The following CFAP299 variants were observed in gnomAD, a reference collection of about 807,000 sequenced individuals.
CFAP299 encodes cilia and flagella associated protein 299, also known as cilia- and flagella-associated protein 299.
Under a neutral mutation model 27.0 loss-of-function variants are expected in CFAP299, and 21 were observed. That is an observed-to-expected ratio of 0.78 (90% CI 0.55 to 1.12). CFAP299 has a LOEUF of 1.12. CFAP299 is among the 50% of genes most tolerant of loss of function. The pLI is 0.00. For missense variants in CFAP299, 310 were observed against 276.6 expected (o/e 1.12, Z -0.86); for synonymous variants, 104 against 98.1 (o/e 1.06, Z -0.36).
At chr4:80,493,885 C>T (rs183821024) in intron 2 of CFAP299, among the ~76,000 whole-genome samples, 3,639 of 148,304 alleles carry the variant, frequency 0.025, 73 homozygotes, top group Non-Finnish European at 0.037. Flanking sequence ...ACGCCATTCT[C>T]CTGCCTCAGC....
At chr4:80,388,686 C>T (rs1483501818) in intron 2 of CFAP299, 1 of 910,398 alleles carries the variant, frequency 1.1e-6, no homozygotes, top group Non-Finnish European at 1.8e-6. Flanking sequence ...TTGTCCATTC[C>T]CTCCAGGGCC....
intron 2 of CFAP299, among the ~76,000 whole-genome samples, chr4:80,495,767 A>G (rs975972362): frequency 6.6e-5 from 10 of 152,364 alleles, no homozygotes; most frequent in African/African-American, 2.4e-4. Flanking sequence ...CTGTACAGGA[A>G]GCATGATACT....
chr4:80,417,508 C>T (rs1425738679), intron 2 of CFAP299, among the ~76,000 whole-genome samples: 1 of 152,052 alleles, frequency 6.6e-6, no homozygotes, highest in African/African-American at 2.4e-5. Flanking sequence ...GAGTCCTGAG[C>T]GTGGTATTGG....
chr4:80,503,139 T>C (rs1425850183), intron 2 of CFAP299, among the ~76,000 whole-genome samples: 1 of 152,138 alleles, frequency 6.6e-6, no homozygotes, highest in African/African-American at 2.4e-5. Context: ...TTGATTAAAA[T>C]CTTTCAGTGC....
chr4:80,459,040 G>A (rs1729310963), intron 2 of CFAP299, among the ~76,000 whole-genome samples: 2 of 152,014 alleles, frequency 1.3e-5, no homozygotes, highest in Admixed American at 1.3e-4. Flanking sequence ...GAGTGCAGTG[G>A]TGCACTCACA....
chr4:80,689,600 A>T (rs1458960100), intron 3 of CFAP299, among the ~76,000 whole-genome samples: 1 of 152,180 alleles, frequency 6.6e-6, no homozygotes, highest in Non-Finnish European at 1.5e-5. Flanking sequence ...GCCAAATTGT[A>T]AAGATCATTG....
intron 3 of CFAP299, among the ~76,000 whole-genome samples, chr4:80,796,252 C>G (rs547556354): frequency 6.6e-6 from 1 of 152,326 alleles, no homozygotes; most frequent in East Asian, 1.9e-4. Context: ...CCCCACACCA[C>G]TGGACCTCTA....
chr4:80,721,643 G>T (rs56085113), intron 3 of CFAP299, among the ~76,000 whole-genome samples: 1 of 152,088 alleles, frequency 6.6e-6, no homozygotes, highest in Non-Finnish European at 1.5e-5. Flanking sequence ...ACTCAATTCA[G>T]CCCATAACTC....
chr4:80,708,990 A>T (rs329402), intron 3 of CFAP299, among the ~76,000 whole-genome samples: 15 of 152,096 alleles, frequency 9.9e-5, no homozygotes, highest in Admixed American at 5.9e-4. Context: ...CAGCAAAAGT[A>T]ACACAAAATA....
chr4:80,729,108 A>G (rs1723337398), intron 3 of CFAP299, among the ~76,000 whole-genome samples: 1 of 152,160 alleles, frequency 6.6e-6, no homozygotes, highest in African/African-American at 2.4e-5. Flanking sequence ...GGTCTGTTCA[A>G]GAAGGCTTCA....
intron 4 of CFAP299, chr4:80,872,048 G>T (rs1284087252): frequency 1.3e-5 from 2 of 150,092 alleles, no homozygotes; most frequent in African/African-American, 2.5e-5. Context: ...GATAAACATT[G>T]TCCTCAAATG....
intron 3 of CFAP299, among the ~76,000 whole-genome samples, chr4:80,829,950 A>G (rs762469102): frequency 2.0e-5 from 3 of 152,072 alleles, no homozygotes; most frequent in Non-Finnish European, 4.4e-5. Flanking sequence ...CTTATTGCTT[A>G]AAGGGTATAG....
chr4:80,562,234 A>C (rs1346075980), intron 2 of CFAP299, among the ~76,000 whole-genome samples: 1 of 152,090 alleles, frequency 6.6e-6, no homozygotes, highest in African/African-American at 2.4e-5. Context: ...GAAGGAAACA[A>C]GGAAAAGAAT....
chr4:80,775,383 T>C (rs1416463194), intron 3 of CFAP299, among the ~76,000 whole-genome samples: 1 of 152,096 alleles, frequency 6.6e-6, no homozygotes, highest in Non-Finnish European at 1.5e-5. Flanking sequence ...TCAATGAGCA[T>C]GAATTACTTT....
At chr4:80,902,498 A>G (rs1734966470) in intron 4 of CFAP299, among the ~76,000 whole-genome samples, 1 of 123,034 alleles carries the variant, frequency 8.1e-6, no homozygotes, top group African/African-American at 4.2e-5. Context: ...ATACATATAT[A>G]TGGATATATA....
chr4:80,870,150 A>AT lies in CFAP299; in HGVS notation c.476+20dup, dbSNP rs1316534001. On this transcript the variant is annotated intron_variant, in intron 4 of 5. Coordinates refer to ENST00000358105, the MANE Select transcript of CFAP299 (RefSeq NM_152770.3). ...ACAGATATAAGGTAAATTACATACA[A>AT]TTTTTGCACCCTTAGAGGCAGGGAC... 5 of 1,589,456 alleles carry AT rather than the reference A, an allele frequency of 3.1e-6. No homozygotes were observed. The East Asian group carries it at 1.1e-4, about 36-fold the overall frequency.
At chr4:80,379,981 G>A (rs182394617) in intron 2 of CFAP299, among the ~76,000 whole-genome samples, 19 of 152,086 alleles carry the variant, frequency 1.2e-4, no homozygotes, top group Admixed American at 1.2e-3. Flanking sequence ...ACTTATTCTA[G>A]CTATTACTTA....
At chr4:80,744,321 C>G (rs930082772) in intron 3 of CFAP299, among the ~76,000 whole-genome samples, 1 of 146,794 alleles carries the variant, frequency 6.8e-6, no homozygotes, top group Non-Finnish European at 1.5e-5. Flanking sequence ...ATCAAGAGAC[C>G]TGCTGTGCTT....
chr4:80,689,776 G>C (rs955539852), intron 3 of CFAP299, among the ~76,000 whole-genome samples: 2 of 152,196 alleles, frequency 1.3e-5, no homozygotes, highest in African/African-American at 4.8e-5. Flanking sequence ...AGACCCATCA[G>C]TGTGCTGTAT....
Sources: gnomAD v4.1 joint callset for allele counts (sites outside exome capture counted in the v4.1 genomes callset) on GRCh38, gnomAD v4.1.1 for gene constraint, MANE v1.5 for transcripts, NCBI Gene and HGNC (gene_info 2026-07-23, HGNC 2026-07-21) for gene names.